Variants in SEZ6L observed in about 807,000 individuals in gnomAD.
The protein encoded by SEZ6L is seizure 6-like protein.
In SEZ6L, 37 loss-of-function variants were observed where a neutral mutation model predicts 106.2. The observed-to-expected ratio is 0.35, with a 90% CI of 0.27 to 0.46. SEZ6L has a LOEUF of 0.46. SEZ6L is among the 20% of genes least tolerant of loss of function. The pLI is 1.00. For missense variants in SEZ6L, 1,172 were observed against 1,332.8 expected (o/e 0.88, Z 1.88); for synonymous variants, 541 against 570.4 (o/e 0.95, Z 0.73).
intron 10 of SEZ6L, among the ~76,000 whole-genome samples, 162 bp downstream of exon 10, chr22:26,340,794 G>A (rs972391062): frequency 1.3e-5 from 2 of 152,202 alleles, no homozygotes; most frequent in African/African-American, 4.8e-5. Flanking sequence ...CTCTAGTCAT[G>A]AGGACCAGGG....
chr22:26,365,251 G>T (rs2083766941), intron 12 of SEZ6L, 121 bp from the exon 13 acceptor site: 2 of 744,756 alleles, frequency 2.7e-6, no homozygotes. Flanking sequence ...TCTGATGCAA[G>T]GTGGGGATGC....
chr22:26,349,778 A>G (rs2146018701), intron 11 of SEZ6L, among the ~76,000 whole-genome samples: 1 of 152,226 alleles, frequency 6.6e-6, no homozygotes, highest in Non-Finnish European at 1.5e-5. Context: ...GAGCCACCGC[A>G]CCCAGCAGAT....
chr22:26,241,109 G>A (rs1027425220), intron 1 of SEZ6L, among the ~76,000 whole-genome samples: 5 of 152,182 alleles, frequency 3.3e-5, no homozygotes, highest in Admixed American at 1.3e-4. Context: ...GATATGTTAC[G>A]TGTTATCCCC....
At chr22:26,281,223 A>T (rs1315065764) in intron 1 of SEZ6L, among the ~76,000 whole-genome samples, 2 of 152,170 alleles carry the variant, frequency 1.3e-5, no homozygotes, top group African/African-American at 4.8e-5. Flanking sequence ...CAGGAGAGAG[A>T]TATGAGCATA....
intron 1 of SEZ6L, among the ~76,000 whole-genome samples, chr22:26,273,344 G>A (rs1441788505): frequency 6.6e-6 from 1 of 152,258 alleles, no homozygotes; most frequent in Non-Finnish European, 1.5e-5. Flanking sequence ...CTGCCGGGTG[G>A]GGAGCTGACA....
intron 10 of SEZ6L, among the ~76,000 whole-genome samples, chr22:26,343,365 G>T (rs540325830): frequency 6.6e-6 from 1 of 151,624 alleles, no homozygotes; most frequent in South Asian, 2.1e-4. Flanking sequence ...ATCCAAGGCT[G>T]GTCAAGGTTA....
At chr22:26,250,388 C>A (rs746372789) in intron 1 of SEZ6L, among the ~76,000 whole-genome samples, 6 of 152,052 alleles carry the variant, frequency 3.9e-5, no homozygotes, top group Non-Finnish European at 5.9e-5. Context: ...ATGTGGATAT[C>A]CAGTTTTCCC....
intron 1 of SEZ6L, among the ~76,000 whole-genome samples, chr22:26,231,830 C>T (rs1602099616): frequency 1.3e-5 from 2 of 152,226 alleles, no homozygotes; most frequent in African/African-American, 4.8e-5. Context: ...TGGTCAAAAT[C>T]AATTCCAACC....
chr22:26,316,856 A>G (rs940271545), intron 9 of SEZ6L, among the ~76,000 whole-genome samples: 3 of 149,658 alleles, frequency 2.0e-5, no homozygotes, highest in African/African-American at 7.4e-5. Context: ...AGAAAGAGAG[A>G]GAGAGAAAGA....
chr22:26,231,966 C>T (rs968043895), intron 1 of SEZ6L, among the ~76,000 whole-genome samples: 3 of 152,276 alleles, frequency 2.0e-5, no homozygotes, highest in Non-Finnish European at 2.9e-5. Flanking sequence ...AGGCTACCTG[C>T]CCTGGGGTCC....
chr22:26,342,548 T>C (rs2082871148), intron 10 of SEZ6L, among the ~76,000 whole-genome samples: 1 of 150,346 alleles, frequency 6.7e-6, no homozygotes, highest in African/African-American at 2.5e-5. Flanking sequence ...AAAAAAACAT[T>C]AGCTGGGTGT....
At position 26,361,858 on chromosome 22, in the gene SEZ6L, C is replaced by A. The variant is rs961907151; in HGVS notation, c.2600-3514C>A. The stretch of plus-strand genomic sequence containing the variant: ...GGTCTTTCAAGAAATATTTACTGGG[C>A]ACCTACCCTGTACCAGGTTGCCAAG... On this transcript the variant is annotated intron_variant, in intron 12 of 16. Coordinates refer to ENST00000248933, the MANE Select transcript of SEZ6L (RefSeq NM_021115.5). Among the ~76,000 whole-genome samples the A allele has an allele frequency of 2.0e-5, 3 of 152,224 alleles. 1 individual carries two copies. The highest frequency in any genetic ancestry group is 2.1e-4 in the South Asian group (1 of 4,822).
chr22:26,258,037 C>T (rs559978886), intron 1 of SEZ6L, among the ~76,000 whole-genome samples: 28 of 152,190 alleles, frequency 1.8e-4, no homozygotes, highest in African/African-American at 6.0e-4. Context: ...AAGATGGCCA[C>T]GAGAGGACTT....
intron 1 of SEZ6L, among the ~76,000 whole-genome samples, chr22:26,287,157 C>A (rs964310310): frequency 6.6e-6 from 1 of 152,052 alleles, no homozygotes. Flanking sequence ...TACGCTGCTG[C>A]CCCAACTTGG....
rs553070922 is a variant in SEZ6L, at chr22:26,279,751, T to G, written c.95-12655T>G. Among the ~76,000 whole-genome samples, 7 of 152,188 alleles carry G rather than the reference T, an allele frequency of 4.6e-5. No homozygotes were observed. In the South Asian group the frequency reaches 1.5e-3, roughly 32 times the overall value. On this transcript the variant is annotated intron_variant, in intron 1 of 16. Transcript: ENST00000248933. ...GGAAACGTCATCAGCTCCTCAGCAT[T>G]TGCTAAACGCCCCCAAACATCCCTC...
intron 5 of SEZ6L, among the ~76,000 whole-genome samples, chr22:26,304,843 G>A (rs1451363366): frequency 6.6e-6 from 1 of 152,072 alleles, no homozygotes; most frequent in Non-Finnish European, 1.5e-5. Flanking sequence ...TTTCTGAATG[G>A]GTGGAGTGTA....
intron 13 of SEZ6L, among the ~76,000 whole-genome samples, chr22:26,368,932 A>C (rs1158103155): frequency 6.6e-6 from 1 of 152,054 alleles, no homozygotes; most frequent in Non-Finnish European, 1.5e-5. Flanking sequence ...CATGACTGTA[A>C]ATTTCCCGCC....
At chr22:26,311,568 A>AT (rs753543236) in intron 7 of SEZ6L, among the ~76,000 whole-genome samples, 200 bp from the exon 8 acceptor site, 14 of 152,152 alleles carry the variant, frequency 9.2e-5, no homozygotes, top group Non-Finnish European at 8.8e-5. Context: ...CCTATTTTAG[A>AT]TTTTTTTAAA....
rs376430157 is a variant in SEZ6L, at chr22:26,340,488, A to G, written c.2068A>G (p.Met690Val). 1.2e-6 allele frequency: 2 copies of G among 1,613,948 alleles called. No homozygotes were observed. The highest frequency in any genetic ancestry group is 8.5e-7 in the Non-Finnish European group (1 of 1,179,894). Residue 690 changes from methionine (M) to valine (V), a missense_variant, in exon 10 of 17, where the codon ATG becomes GTG. Physicochemically the swap from Met to Val is conservative, Grantham distance 21. Transcript: ENST00000248933. ...ILTIYDGDEVMPHILGQYLGN... is the reference protein window; with the variant it reads ...ILTIYDGDEVVPHILGQYLGN... ...GACCATCTACGATGGCGACGAGGTC[A>G]TGCCCCACATCTTGGGGCAGTACCT... is the stretch of plus-strand genomic sequence containing the variant.
Sources: allele counts gnomAD v4.1 joint callset (sites outside exome capture counted in the v4.1 genomes callset), GRCh38; gene constraint gnomAD v4.1.1; transcripts MANE v1.5; gene names NCBI Gene and HGNC (gene_info 2026-07-23, HGNC 2026-07-21).